SLC9B2: variants seen among roughly 807,000 people sequenced by gnomAD.
SLC9B2 encodes solute carrier family 9 member B2.
A neutral mutation model predicts 52.2 loss-of-function variants in SLC9B2; 39 were observed. That is an observed-to-expected ratio of 0.75 (90% confidence interval 0.58 to 0.98). The LOEUF (loss-of-function observed/expected upper bound fraction) is 0.98, where lower values mean the gene tolerates loss of function less well. Ranked by LOEUF, SLC9B2 falls within the 50% of genes least tolerant of loss-of-function variation. The pLI is 0.00. For missense variants in SLC9B2, 626 were observed against 637.5 expected (o/e 0.98, Z 0.19); for synonymous variants, 214 against 227.0 (o/e 0.94, Z 0.51).
chr4:103,033,653 C>G (rs1409545220), intron 9 of SLC9B2, among the ~76,000 whole-genome samples: 1 of 152,056 alleles, frequency 6.6e-6, no homozygotes, highest in Non-Finnish European at 1.5e-5. Flanking sequence ...ATCATTATTT[C>G]TATACACAAA....
chr4:103,074,144 T>C (rs1746911494), intron 1 of SLC9B2, among the ~76,000 whole-genome samples: 1 of 152,104 alleles, frequency 6.6e-6, no homozygotes, highest in Non-Finnish European at 1.5e-5. Flanking sequence ...GCAAGGGAAG[T>C]TGGGATTGTG....
At chr4:103,040,992 G>C (rs1743588153) in intron 9 of SLC9B2, among the ~76,000 whole-genome samples, 1 of 152,124 alleles carries the variant, frequency 6.6e-6, no homozygotes, top group South Asian at 2.1e-4. Context: ...CTATTCTAAG[G>C]TGAAGTTGTA....
chr4:103,018,337 A>G (rs908739322), downstream of SLC9B2, among the ~76,000 whole-genome samples: 1 of 152,190 alleles, frequency 6.6e-6, no homozygotes, highest in African/African-American at 2.4e-5. Context: ...CCACTGTGCA[A>G]TATATCCACA....
At chr4:103,066,266 T>G in intron 3 of SLC9B2, 61 bp downstream of exon 3, 5 of 1,546,386 alleles carry the variant, frequency 3.2e-6, no homozygotes, top group Non-Finnish European at 4.4e-6. Context: ...ACCATATTAT[T>G]TAGTAATCTG....
At chr4:103,046,133 T>C in intron 7 of SLC9B2, among the ~76,000 whole-genome samples, 1 of 152,156 alleles carries the variant, frequency 6.6e-6, no homozygotes. Context: ...GCATAAATCA[T>C]ACACAATCAC....
rs142037979 is a variant in SLC9B2, at chr4:103,067,486, G to A, written c.65C>T (p.Thr22Met). The change falls in exon 2 of 12, where the codon ACG becomes ATG. Residue 22 changes from threonine (T) to methionine (M), a missense_variant. Physicochemically the swap from Thr to Met is moderately conservative, Grantham distance 81 (BLOSUM62 -1). Coordinates refer to ENST00000394785, the MANE Select transcript of SLC9B2 (RefSeq NM_178833.7). ...CTGTGCTTCTTGATGCATGGAGGGC[G>A]TGTAATTCATTCCTGTGGATGGTTC... ...DSEPSTGMNY[T>M]PSMHQEAQEE... The A allele has an allele frequency of 1.7e-4, 280 of 1,613,034 alleles. 1 individual carries two copies. In the South Asian group the frequency reaches 2.3e-3, roughly 13 times the overall value.
intron 9 of SLC9B2, among the ~76,000 whole-genome samples, chr4:103,034,785 A>T (rs1743017205): frequency 6.6e-6 from 1 of 152,030 alleles, no homozygotes; most frequent in Non-Finnish European, 1.5e-5. Flanking sequence ...GGCTATTATT[A>T]TTTTTTTTAA....
In SLC9B2 at chr4:103,050,311, A is replaced by G. The variant is rs760898398; in HGVS notation, c.514T>C (p.Trp172Arg). 6.2e-7 allele frequency: 1 copy of G among 1,610,266 alleles called. No homozygotes were observed. The highest frequency in any genetic ancestry group is 1.1e-5 in the South Asian group (1 of 90,538). The stretch of plus-strand genomic sequence containing the variant: ...GCTATGCTTCTCAAAGAGGAAGACC[A>G]CTTGTGCTTGATCTGCACATTATCG... ...INDNVQIKHKWSSSLRSIALS... is the reference protein window; with the variant it reads ...INDNVQIKHKRSSSLRSIALS... Residue 172 changes from tryptophan to arginine, a missense_variant, in exon 5 of 12, where the codon TGG (tryptophan) becomes CGG (arginine). Transcript: ENST00000394785.
chr4:103,058,009 T>C (rs774351994), intron 3 of SLC9B2, 38 bp from the exon 4 acceptor site: 5 of 1,549,740 alleles, frequency 3.2e-6, no homozygotes, highest in Non-Finnish European at 3.5e-6. Flanking sequence ...TATCAATAAG[T>C]TGTCACATGG....
Position 103,022,819 on chromosome 4 carries a change from T to G in SLC9B2, c.*3551A>C, listed in dbSNP as rs1051581946. Among the ~76,000 whole-genome samples, 1 of 152,112 alleles carries G rather than the reference T, an allele frequency of 6.6e-6. No individual in the cohort carries two copies. Among genetic ancestry groups the G allele is most frequent in the Non-Finnish European group, 1.5e-5 (1 of 68,014 alleles). ...TGAGGATTTGGGAAGGCAATTAGAT[T>G]TGGATGAGGTCATGAGGGTAGGGCC... On this transcript the variant is annotated 3_prime_UTR_variant, in exon 12 of 12. Transcript: ENST00000394785.
At chr4:103,019,903 C>G (rs1410890129), downstream of SLC9B2, 112 of 986,664 alleles carry the variant, frequency 1.1e-4, no homozygotes, top group Non-Finnish European at 1.3e-4. Context: ...AATCCAGGGA[C>G]AGAGTTGACA....
At position 103,051,101 on chromosome 4, in the gene SLC9B2, G is replaced by A. The variant is rs1468301552; in HGVS notation, c.443-719C>T. ...CAGGAAGGGGGATTTAGAGAAGGGG[G>A]AAGAGGATGAAGAAACGGCTAGGGG... On this transcript the variant is annotated intron_variant, in intron 4 of 11. Transcript: ENST00000394785. Among the ~76,000 whole-genome samples the A allele has an allele frequency of 2.6e-5, 4 of 152,244 alleles. No individual in the cohort carries two copies. In the South Asian group the frequency reaches 8.3e-4, roughly 32 times the overall value.
At chr4:103,065,211 T>C (rs1746016548) in intron 3 of SLC9B2, among the ~76,000 whole-genome samples, 1 of 145,494 alleles carries the variant, frequency 6.9e-6, no homozygotes. Flanking sequence ...CACACACATA[T>C]AACTCAAGTA....
chr4:103,029,114 T>G (rs1742474390), intron 10 of SLC9B2, among the ~76,000 whole-genome samples: 1 of 152,170 alleles, frequency 6.6e-6, no homozygotes, highest in African/African-American at 2.4e-5. Context: ...TTAAGCATAT[T>G]TGAATTCTTA....
chr4:103,037,120 G>A (rs980615070), intron 9 of SLC9B2, among the ~76,000 whole-genome samples: 7 of 152,174 alleles, frequency 4.6e-5, no homozygotes, highest in Non-Finnish European at 8.8e-5. Context: ...GTGTGTGAAT[G>A]CACCCTGTGA....
chr4:103,060,969 A>G (rs2110646637), intron 3 of SLC9B2, among the ~76,000 whole-genome samples: 1 of 152,338 alleles, frequency 6.6e-6, no homozygotes, highest in East Asian at 1.9e-4. Flanking sequence ...GATTTACCTC[A>G]AATTTGGCAT....
At chr4:103,032,602 T>C (rs1159422009) in intron 9 of SLC9B2, among the ~76,000 whole-genome samples, 1 of 152,158 alleles carries the variant, frequency 6.6e-6, no homozygotes, top group African/African-American at 2.4e-5. Flanking sequence ...TAGCAAGATC[T>C]TATAGCATGC....
chr4:103,031,183 A>G (rs2110577440), intron 10 of SLC9B2, among the ~76,000 whole-genome samples: 1 of 152,288 alleles, frequency 6.6e-6, no homozygotes, highest in East Asian at 1.9e-4. Flanking sequence ...GGAAGGAAAG[A>G]AGGAAATAAT....
chr4:103,059,058 C>A (rs776187672), intron 3 of SLC9B2, among the ~76,000 whole-genome samples: 7 of 151,728 alleles, frequency 4.6e-5, no homozygotes, highest in Non-Finnish European at 7.4e-5. Context: ...CACAGCGATA[C>A]CCTGCCAAAA....
Sources: gnomAD v4.1 joint callset for allele counts (sites outside exome capture counted in the v4.1 genomes callset) on GRCh38, gnomAD v4.1.1 for gene constraint, MANE v1.5 for transcripts, NCBI Gene and HGNC (gene_info 2026-07-23, HGNC 2026-07-21) for gene names.